Variants in AADACL2 observed in about 807,000 individuals in gnomAD.
AADACL2 encodes arylacetamide deacetylase-like 2.
In AADACL2, 23 loss-of-function variants were observed where a neutral mutation model predicts 22.3. That is an observed-to-expected ratio of 1.03 (90% CI 0.74 to 1.46). The LOEUF is 1.46. Among genes scored for constraint, AADACL2 ranks in the 40% most tolerant of loss-of-function variants. AADACL2 has a pLI of 0.00. For synonymous variants in AADACL2, 177 were observed against 166.2 expected (o/e 1.07, Z -0.50); for missense variants, 472 against 482.9 (o/e 0.98, Z 0.21).
At chr3:151,745,047 GT>G (rs1185931536) in intron 3 of AADACL2, among the ~76,000 whole-genome samples, 1 of 152,080 alleles carries the variant, frequency 6.6e-6, no homozygotes, top group African/African-American at 2.4e-5. Context: ...CCATGATGAA[GT>G]ATATGCACCG....
At chr3:151,738,986 T>C (rs1713188319) in intron 1 of AADACL2, among the ~76,000 whole-genome samples, 1 of 152,184 alleles carries the variant, frequency 6.6e-6, no homozygotes, top group African/African-American at 2.4e-5. Context: ...ATCTTCTGAG[T>C]CCTACTTCTG....
chr3:151,745,423 G>C, intron 3 of AADACL2, 86 bp from the exon 4 acceptor site: 1 of 1,343,692 alleles, frequency 7.4e-7, no homozygotes, highest in Non-Finnish European at 1.0e-6. Context: ...GAACAATAAA[G>C]ACTGGCATTA....
chr3:151,741,040 A>T (rs1374872451), intron 2 of AADACL2, among the ~76,000 whole-genome samples, 172 bp downstream of exon 2: 1 of 152,222 alleles, frequency 6.6e-6, no homozygotes, highest in Non-Finnish European at 1.5e-5. Flanking sequence ...ACATAGACAT[A>T]TGTTTGGCAA....
chr3:151,751,152 T>C (rs766210368), intron 4 of AADACL2, among the ~76,000 whole-genome samples: 1 of 151,840 alleles, frequency 6.6e-6, no homozygotes, highest in Non-Finnish European at 1.5e-5. Context: ...TTGAAAGATC[T>C]TACTGGAGTA....
rs1264345778 is a variant in AADACL2 at position 151,759,500 on chromosome 3, T to A, written c.*1906T>A. ...CTACACTAGTGTGTCATGTCACTAG[T>A]ATGTACTTTCAAGCCTTTAAACAGA... On this transcript the variant is annotated 3_prime_UTR_variant, in exon 5 of 5. Coordinates refer to ENST00000356517, the MANE Select transcript of AADACL2 (RefSeq NM_207365.4). 1 of 152,186 alleles carries A rather than the reference T, an allele frequency of 6.6e-6. No individual in the cohort carries two copies. Among genetic ancestry groups the A allele is most frequent in the Non-Finnish European group, 1.5e-5 (1 of 67,998 alleles). 9.4% of individuals were successfully genotyped at this position (152,186 alleles called of 1,614,324 possible).
chr3:151,736,378 A>G (rs1488160109), intron 1 of AADACL2, among the ~76,000 whole-genome samples: 1 of 150,182 alleles, frequency 6.7e-6, no homozygotes, highest in African/African-American at 2.5e-5. Context: ...GCATAGGTAT[A>G]CATGTGCCAT....
intron 4 of AADACL2, among the ~76,000 whole-genome samples, chr3:151,751,099 A>G (rs184230296): frequency 6.6e-6 from 1 of 152,338 alleles, no homozygotes; most frequent in Non-Finnish European, 1.5e-5. Context: ...GGACTCTTCC[A>G]GACAGAACTT....
chr3:151,754,054 T>A (rs570276589), intron 4 of AADACL2, among the ~76,000 whole-genome samples: 1 of 152,284 alleles, frequency 6.6e-6, no homozygotes, highest in Non-Finnish European at 1.5e-5. Flanking sequence ...GGCAGATTAC[T>A]GCTTTGAATG....
rs1251995807 is a variant in AADACL2 at position 151,757,592 on chromosome 3, T to C, written c.1204T>C (p.Ter402GlnextTer7). 6.2e-7 allele frequency: 1 copy of C among 1,602,754 alleles called. No homozygotes were observed. The highest frequency in any genetic ancestry group is 1.3e-5 in the African/African-American group (1 of 74,552). ...TGTAAGTTGGCTGGATAAGAATTTA[T>C]AAATATGTGATGTGTATGTATAGCC... ...MYVSWLDKNL[*>Q] The change falls in exon 5 of 5, where the codon TAA becomes CAA. Residue 402 changes from the stop codon to glutamine, a stop_lost. Transcript: ENST00000356517.
chr3:151,745,856 G>C (rs1277976481), intron 4 of AADACL2, among the ~76,000 whole-genome samples, 176 bp downstream of exon 4: 1 of 151,624 alleles, frequency 6.6e-6, no homozygotes, highest in African/African-American at 2.4e-5. Context: ...GGATTATTTT[G>C]TTCCATTGAT....
In AADACL2 at chr3:151,734,096, A is replaced by G. The variant is rs1281552416; in HGVS notation, c.61A>G (p.Thr21Ala). ...LCVLFVSHFY[T>A]PMPDNIEESW... ...TGTTCTTTTTGTCTCTCATTTTTAC[A>G]CACCCATGCCAGACAACATTGAAGA... Residue 21 changes from threonine to alanine, a missense_variant, in exon 1 of 5, where the codon ACA becomes GCA. By Grantham distance (58) the Thr-to-Ala change is moderately conservative. Coordinates refer to ENST00000356517, the MANE Select transcript of AADACL2 (RefSeq NM_207365.4). 6.2e-7 allele frequency: 1 copy of G among 1,613,594 alleles called. No individual in the cohort carries two copies. Among genetic ancestry groups the G allele is most frequent in the South Asian group, 1.1e-5 (1 of 91,038 alleles).
Position 151,757,787 on chromosome 3 carries a change from TCCTG to T in AADACL2, c.*197_*200del, listed in dbSNP as rs1164834155. 4.0e-6 allele frequency: 2 copies of T among 500,612 alleles called. No homozygotes were observed. Among genetic ancestry groups the T allele is most frequent in the Non-Finnish European group, 6.6e-6 (2 of 301,146 alleles). 31.0% of individuals were successfully genotyped at this position (500,612 alleles called of 1,614,324 possible). A position where few individuals can be genotyped will look rare whatever the true frequency, so the allele number is the denominator to read the frequency against. ...CCCTGAATATGTAAAATGTATGTAA[TCCTG>T]CCTATTTTCTCCTTACTTATAATTT... is the stretch of plus-strand genomic sequence containing the variant. On this transcript the variant is annotated 3_prime_UTR_variant, in exon 5 of 5. Coordinates refer to ENST00000356517, the MANE Select transcript of AADACL2 (RefSeq NM_207365.4).
chr3:151,755,463 T>C (rs969041995), intron 4 of AADACL2, among the ~76,000 whole-genome samples: 3 of 152,142 alleles, frequency 2.0e-5, no homozygotes, highest in African/African-American at 7.2e-5. Flanking sequence ...TGAGTATATA[T>C]AAAATGTGTA....
chr3:151,740,552 G>A (rs1713244287), intron 1 of AADACL2, 94 bp from the exon 2 acceptor site: 6 of 797,954 alleles, frequency 7.5e-6, no homozygotes, highest in Non-Finnish European at 1.1e-5. Flanking sequence ...TGTTTACCTT[G>A]CTTATTTTTT....
intron 1 of AADACL2, among the ~76,000 whole-genome samples, chr3:151,737,110 T>C (rs561653365): frequency 6.6e-6 from 1 of 152,202 alleles, no homozygotes; most frequent in Non-Finnish European, 1.5e-5. Flanking sequence ...GGTATAAATT[T>C]CCCTCTTAAC....
At chr3:151,755,461 T>C in intron 4 of AADACL2, among the ~76,000 whole-genome samples, 1 of 152,270 alleles carries the variant, frequency 6.6e-6, no homozygotes, top group Non-Finnish European at 1.5e-5. Context: ...TGTGAGTATA[T>C]ATAAAATGTG....
chr3:151,738,856 T>C (rs1713183610), intron 1 of AADACL2, among the ~76,000 whole-genome samples: 1 of 152,230 alleles, frequency 6.6e-6, no homozygotes, highest in African/African-American at 2.4e-5. Context: ...TGGTCATTTA[T>C]GTTCTTCTCT....
At chr3:151,734,628 ATTGCTGG>A (rs1713032634) in intron 1 of AADACL2, among the ~76,000 whole-genome samples, 1 of 152,106 alleles carries the variant, frequency 6.6e-6, no homozygotes, top group Non-Finnish European at 1.5e-5. Context: ...TCAATTCTAA[ATTGCTGG>A]TTTTCAGGCA....
Position 151,757,324 on chromosome 3 carries a change from T to TA in AADACL2, c.937dup (p.Thr313AsnfsTer12). Reference sequence around the variant, plus strand: ...GACTTAGTTATTCATTGCCAGGACTTACAGACAGCAGAGCATTACCCTTGT... The same window carrying TA: ...GACTTAGTTATTCATTGCCAGGACTTAACAGACAGCAGAGCATTACCCTTGT... On this transcript the variant is annotated frameshift_variant, in exon 5 of 5. Coordinates refer to ENST00000356517, the MANE Select transcript of AADACL2 (RefSeq NM_207365.4). LOFTEE classifies it low-confidence loss of function (END_TRUNC). 1.2e-6 allele frequency: 2 copies of TA among 1,613,742 alleles called. No individual in the cohort carries two copies. Among genetic ancestry groups the TA allele is most frequent in the Non-Finnish European group, 1.7e-6 (2 of 1,179,704 alleles).
Sources: allele counts gnomAD v4.1 joint callset (sites outside exome capture counted in the v4.1 genomes callset), GRCh38; gene constraint gnomAD v4.1.1; transcripts MANE v1.5; gene names NCBI Gene and HGNC (gene_info 2026-07-23, HGNC 2026-07-21).